Variants in HIPK2 observed in about 807,000 individuals in gnomAD.
The protein encoded by HIPK2 is homeodomain-interacting protein kinase 2.
Under a neutral mutation model 113.7 loss-of-function variants are expected in HIPK2, and 27 were observed. That is an observed-to-expected ratio of 0.24 (90% confidence interval 0.17 to 0.33). The LOEUF (loss-of-function observed/expected upper bound fraction) is 0.33. Among genes scored for constraint, HIPK2 ranks in the 10% least tolerant of loss-of-function variants. The probability of loss-of-function intolerance (pLI) is 1.00; values close to 1 mark genes in which losing one functional copy is unlikely to be tolerated. For synonymous variants in HIPK2, 631 were observed against 642.2 expected (o/e 0.98, Z 0.26); for missense variants, 1,257 against 1,588.0 (o/e 0.79, Z 3.54).
intron 9 of HIPK2, among the ~76,000 whole-genome samples, chr7:139,612,039 G>A (rs1799850021): frequency 6.6e-6 from 1 of 151,768 alleles, no homozygotes; most frequent in African/African-American, 2.4e-5. Flanking sequence ...GAAGGGACAA[G>A]AACAGACAAG....
intron 1 of HIPK2, among the ~76,000 whole-genome samples, chr7:139,737,703 C>T (rs986327512): frequency 7.9e-5 from 12 of 152,216 alleles, no homozygotes; most frequent in Admixed American, 1.3e-4. Context: ...TACAGGGTCA[C>T]GACTAAGCCA....
At position 139,773,107 on chromosome 7, in the gene HIPK2, T is replaced by A. The variant is rs556682990; in HGVS notation, c.19+4498A>T. Among the ~76,000 whole-genome samples, 6 of 152,238 alleles carry A rather than the reference T, an allele frequency of 3.9e-5. No homozygotes were observed. In the South Asian group the frequency reaches 1.2e-3, roughly 32 times the overall value. ...GCCACAGGGCCTGACACACAGCAGG[T>A]CCTGCATAAATGTTTGCTGAATGAA... is the stretch of plus-strand genomic sequence containing the variant. On this transcript the variant is annotated intron_variant, in intron 1 of 14. Coordinates refer to ENST00000406875, the MANE Select transcript of HIPK2 (RefSeq NM_022740.5).
chr7:139,597,308 GC>G (rs1663478601), intron 11 of HIPK2, among the ~76,000 whole-genome samples: 1 of 152,206 alleles, frequency 6.6e-6, no homozygotes, highest in Non-Finnish European at 1.5e-5. Flanking sequence ...CAGATGTCAT[GC>G]CAGGATTCCA....
chr7:139,629,166 C>T (rs984070090), intron 4 of HIPK2, 127 bp from the exon 5 acceptor site: 2 of 706,738 alleles, frequency 2.8e-6, no homozygotes, highest in Non-Finnish European at 4.9e-6. Context: ...TTTGATTCTT[C>T]AATGACCTGC....
intron 2 of HIPK2, among the ~76,000 whole-genome samples, chr7:139,704,526 A>C (rs1355256402): frequency 5.4e-5 from 8 of 148,978 alleles, no homozygotes; most frequent in Non-Finnish European, 3.0e-5. Context: ...ACCCCAACAC[A>C]CCCCCACACC....
chr7:139,763,095 C>T (rs890510584), intron 1 of HIPK2, among the ~76,000 whole-genome samples: 1 of 152,090 alleles, frequency 6.6e-6, no homozygotes, highest in African/African-American at 2.4e-5. Flanking sequence ...AAGCAGGAAA[C>T]AGCTGGGAAC....
In HIPK2 at chr7:139,568,709, T is replaced by G. The variant is rs146629542; in HGVS notation, c.*4218A>C. The G allele has an allele frequency of 4.6e-5, 7 of 152,228 alleles. No individual in the cohort carries two copies. The highest frequency in any genetic ancestry group is 1.7e-4 in the African/African-American group (7 of 41,438). The allele number at this position is 152,228 out of a possible 1,614,324, so 9.4% of individuals were successfully genotyped here. On this transcript the variant is annotated 3_prime_UTR_variant, in exon 15 of 15. Coordinates refer to ENST00000406875, the MANE Select transcript of HIPK2 (RefSeq NM_022740.5). ...CCTCTGCTTGAGAGCTTGGTCCTAG[T>G]GACAGCAGCCTATTTGCTAAGGTGA...
intron 1 of HIPK2, among the ~76,000 whole-genome samples, chr7:139,743,207 T>C (rs1459727067): frequency 1.3e-5 from 2 of 152,112 alleles, no homozygotes; most frequent in African/African-American, 2.4e-5. Context: ...AAGGGAGGGC[T>C]GCACACATCA....
chr7:139,776,864 C>T (rs1177056579), intron 1 of HIPK2, among the ~76,000 whole-genome samples: 2 of 152,194 alleles, frequency 1.3e-5, no homozygotes, highest in African/African-American at 4.8e-5. Flanking sequence ...GCTTTTCTGC[C>T]TTGCGTTCTT....
intron 5 of HIPK2, 111 bp downstream of exon 5, chr7:139,628,842 C>T: frequency 3.4e-6 from 3 of 882,582 alleles, no homozygotes; most frequent in Non-Finnish European, 5.3e-6. Flanking sequence ...AGGTCAACCA[C>T]TGCAGTTGAA....
intron 9 of HIPK2, among the ~76,000 whole-genome samples, chr7:139,604,427 A>G (rs545094131): frequency 1.3e-5 from 2 of 152,282 alleles, no homozygotes; most frequent in African/African-American, 4.8e-5. Context: ...CACGCCTGTA[A>G]TCCTAGCACT....
At chr7:139,635,258 T>G (rs1800768922) in intron 2 of HIPK2, among the ~76,000 whole-genome samples, 1 of 152,106 alleles carries the variant, frequency 6.6e-6, no homozygotes, top group Admixed American at 6.5e-5. Flanking sequence ...CTCCAGTCTG[T>G]AGGTTTGGAT....
At chr7:139,700,254 C>T (rs1340726378) in intron 2 of HIPK2, among the ~76,000 whole-genome samples, 2 of 152,116 alleles carry the variant, frequency 1.3e-5, no homozygotes, top group Non-Finnish European at 2.9e-5. Context: ...ACCCTCAACA[C>T]GCCTGCTTTC....
chr7:139,770,925 GT>G (rs1796639086), intron 1 of HIPK2, among the ~76,000 whole-genome samples: 1 of 152,124 alleles, frequency 6.6e-6, no homozygotes, highest in Admixed American at 6.5e-5. Flanking sequence ...AGTTTCAAAG[GT>G]TTTCTGCCTT....
rs1799913091 is a variant in HIPK2, at chr7:139,613,529, G to C, written c.1991-206C>G. The C allele has an allele frequency of 5.1e-6, 1 of 195,376 alleles. No individual in the cohort carries two copies. The highest frequency in any genetic ancestry group is 9.3e-6 in the Non-Finnish European group (1 of 107,652). The allele number at this position is 195,376 out of a possible 1,614,324, so 12.1% of individuals were successfully genotyped here. A position where few individuals can be genotyped will look rare whatever the true frequency, so the allele number is the denominator to read the frequency against. ...CAAAACTCCTCCTGAAATCTTGAAT[G>C]TCTTCAAAGGCTAGAAGGTCAGATT... On this transcript the variant is annotated intron_variant, in intron 8 of 14. Transcript: ENST00000406875. The surrounding 1 kb of genome is among the most constrained non-coding windows in gnomAD (Gnocchi z 4.2).
chr7:139,655,571 C>A lies in HIPK2; in HGVS notation c.1104-23846G>T, dbSNP rs528431272. On this transcript the variant is annotated intron_variant, in intron 2 of 14. Coordinates refer to ENST00000406875, the MANE Select transcript of HIPK2 (RefSeq NM_022740.5). ...AACATGCTCACTTCCTCTTTCTTTT[C>A]TCCTTGGCCCTTTCTCTCCTTCTTC... Among the ~76,000 whole-genome samples, 4 of 152,292 alleles carry A rather than the reference C, an allele frequency of 2.6e-5. No individual in the cohort carries two copies. The South Asian group carries it at 8.3e-4, about 32-fold the overall frequency.
At chr7:139,670,888 G>C (rs1463293310) in intron 2 of HIPK2, among the ~76,000 whole-genome samples, 1 of 147,536 alleles carries the variant, frequency 6.8e-6, no homozygotes, top group African/African-American at 2.5e-5. Flanking sequence ...AGCCACCCTA[G>C]TGGCGGGGAT....
intron 2 of HIPK2, among the ~76,000 whole-genome samples, chr7:139,655,363 C>A (rs547570598): frequency 2.6e-5 from 4 of 152,214 alleles, no homozygotes; most frequent in Non-Finnish European, 5.9e-5. Flanking sequence ...TGCAGTGGAG[C>A]CAGTAGAGAG....
chr7:139,716,995 C>T lies in HIPK2; in HGVS notation c.40G>A (p.Val14Ile), dbSNP rs1245970242. 2 of 1,610,946 alleles carry T rather than the reference C, an allele frequency of 1.2e-6. No homozygotes were observed. The highest frequency in any genetic ancestry group is 1.3e-5 in the African/African-American group (1 of 74,984). The change falls in exon 2 of 15, where the codon GTT becomes ATT. Residue 14 changes from valine to isoleucine, a missense_variant. Coordinates refer to ENST00000406875, the MANE Select transcript of HIPK2 (RefSeq NM_022740.5). This position sits in a 1 kb window ranked among gnomAD's most constrained non-coding sequence, Gnocchi z 9.3. ...GATTGAAGGGTGTGAGGGGAGAAAA[C>T]TTGCACATGTGAGGCCATACCTACA... ...VYEGMASHVQ[V>I]FSPHTLQSSA...
Sources: gnomAD v4.1 joint callset for allele counts (sites outside exome capture counted in the v4.1 genomes callset) on GRCh38, gnomAD v4.1.1 for gene constraint, Gnocchi (gnomAD v3.1) non-coding constraint, MANE v1.5 for transcripts, NCBI Gene and HGNC (gene_info 2026-07-23, HGNC 2026-07-21) for gene names.